Variants in HMOX2 observed in about 807,000 individuals in gnomAD.
HMOX2 encodes heme oxygenase 2, also known as heme oxygenase (decycling) 2.
A neutral mutation model predicts 33.7 loss-of-function variants in HMOX2; 30 were observed. The ratio of observed to expected loss-of-function variants is 0.89; its 90% CI spans 0.67 to 1.21. The LOEUF (loss-of-function observed/expected upper bound fraction) is 1.21. Among genes scored for constraint, HMOX2 ranks in the 50% most tolerant of loss-of-function variants. The probability of loss-of-function intolerance (pLI) is 0.00; values close to 1 mark genes in which losing one functional copy is unlikely to be tolerated. For synonymous variants in HMOX2, 155 were observed against 155.0 expected, an observed-to-expected ratio of 1.00 and a Z score of 0.00; for missense variants, 403 against 399.1, an observed-to-expected ratio of 1.01 and a Z score of -0.08.
intron 1 of HMOX2, among the ~76,000 whole-genome samples, chr16:4,488,174 C>T (rs1311781812): frequency 6.6e-6 from 1 of 151,772 alleles, no homozygotes; most frequent in African/African-American, 2.4e-5. Context: ...TCTCACAGCC[C>T]TGGAGAATGC....
At chr16:4,508,267 C>G (rs1032794073) in intron 4 of HMOX2, 63 bp downstream of exon 4, 1 of 1,507,020 alleles carries the variant, frequency 6.6e-7, no homozygotes, top group Non-Finnish European at 9.0e-7. Context: ...GGTAGCAGAT[C>G]CATAGTGGCC....
At chr16:4,506,371 A>G (rs1316566910) in intron 2 of HMOX2, among the ~76,000 whole-genome samples, 1 of 152,124 alleles carries the variant, frequency 6.6e-6, no homozygotes, top group African/African-American at 2.4e-5. Flanking sequence ...TCTCCTTTGC[A>G]TCCTTCCGTG....
At chr16:4,503,686 T>C (rs900198605) in intron 1 of HMOX2, among the ~76,000 whole-genome samples, 10 of 152,106 alleles carry the variant, frequency 6.6e-5, no homozygotes, top group African/African-American at 2.2e-4. Flanking sequence ...AATCTAAAGG[T>C]GAGAGAGATG....
At chr16:4,479,103 A>G (rs1214630419) in intron 1 of HMOX2, among the ~76,000 whole-genome samples, 5 of 152,196 alleles carry the variant, frequency 3.3e-5, no homozygotes, top group Non-Finnish European at 7.3e-5. Flanking sequence ...GTGAGCCAAG[A>G]TCATGCCATT....
intron 1 of HMOX2, among the ~76,000 whole-genome samples, chr16:4,482,827 A>C (rs1359583776): frequency 1.3e-5 from 2 of 152,176 alleles, no homozygotes; most frequent in Non-Finnish European, 2.9e-5. Flanking sequence ...CAGGAGTTTG[A>C]GACCAGCCTG....
At chr16:4,505,791 C>T (rs1280401640) in intron 2 of HMOX2, among the ~76,000 whole-genome samples, 181 bp downstream of exon 2, 1 of 152,240 alleles carries the variant, frequency 6.6e-6, no homozygotes, top group Non-Finnish European at 1.5e-5. Flanking sequence ...GAACTCTCCC[C>T]ACTGGTCCAT....
At chr16:4,495,396 T>C (rs1055677795) in intron 1 of HMOX2, 1 of 152,240 alleles carries the variant, frequency 6.6e-6, no homozygotes, top group African/African-American at 2.4e-5. Flanking sequence ...GCACAGTCTA[T>C]GTAGGATGAG....
intron 1 of HMOX2, among the ~76,000 whole-genome samples, chr16:4,497,009 T>G (rs1169063762): frequency 6.6e-6 from 1 of 152,126 alleles, no homozygotes; most frequent in Non-Finnish European, 1.5e-5. Context: ...CAGGAATGGC[T>G]TCTAAGGCTT....
At chr16:4,500,014 C>T (rs879427649) in intron 1 of HMOX2, among the ~76,000 whole-genome samples, 2 of 152,188 alleles carry the variant, frequency 1.3e-5, no homozygotes, top group Admixed American at 1.3e-4. Flanking sequence ...GTATTTGCAA[C>T]AGCTGTAACT....
At chr16:4,504,054 C>T (rs1457671317) in intron 1 of HMOX2, among the ~76,000 whole-genome samples, 1 of 152,250 alleles carries the variant, frequency 6.6e-6, no homozygotes, top group Admixed American at 6.5e-5. Flanking sequence ...GGAGGATGAG[C>T]TTGCCTTGTT....
At chr16:4,479,726 A>ATTTTTTTTTTTTTTTT (rs58936845) in intron 1 of HMOX2, among the ~76,000 whole-genome samples, 1 of 79,874 alleles carries the variant, frequency 1.3e-5, no homozygotes, top group Non-Finnish European at 2.3e-5. Context: ...TTCTTATTCT[A>ATTTTTTTTTTTTTTTT]TTTTTTTTTT....
At chr16:4,479,614 G>C (rs2057961312) in intron 1 of HMOX2, 2 of 152,024 alleles carry the variant, frequency 1.3e-5, no homozygotes, top group Admixed American at 6.6e-5. Flanking sequence ...TCCTTCCCAG[G>C]AGTATTATAG....
chr16:4,498,685 C>G (rs1283928999), intron 1 of HMOX2, among the ~76,000 whole-genome samples: 1 of 152,172 alleles, frequency 6.6e-6, no homozygotes, highest in Non-Finnish European at 1.5e-5. Context: ...TGGATTTGCT[C>G]TTTTATCAAG....
intron 1 of HMOX2, among the ~76,000 whole-genome samples, chr16:4,478,461 G>T (rs189321571): frequency 1.3e-5 from 2 of 152,154 alleles, no homozygotes; most frequent in African/African-American, 4.8e-5. Flanking sequence ...TTGAAAATTA[G>T]AATTGTGGGC....
intron 3 of HMOX2, among the ~76,000 whole-genome samples, chr16:4,507,434 G>T (rs2058722120): frequency 1.3e-5 from 2 of 150,858 alleles, no homozygotes; most frequent in Non-Finnish European, 2.9e-5. Flanking sequence ...GACAGAGCGA[G>T]ACTCTTTACC....
chr16:4,503,596 T>C (rs2058613849), intron 1 of HMOX2, among the ~76,000 whole-genome samples: 1 of 152,230 alleles, frequency 6.6e-6, no homozygotes, highest in Admixed American at 6.5e-5. Context: ...GTAACATTCA[T>C]TGAGTGCTTA....
intron 1 of HMOX2, among the ~76,000 whole-genome samples, chr16:4,492,591 T>C (rs1472572243): frequency 6.6e-6 from 1 of 151,948 alleles, no homozygotes; most frequent in Non-Finnish European, 1.5e-5. Context: ...TGGTGGCACG[T>C]GCCTGTAATC....
intron 1 of HMOX2, among the ~76,000 whole-genome samples, chr16:4,483,969 A>AG (rs1436674968): frequency 9.0e-6 from 1 of 111,304 alleles, no homozygotes; most frequent in Admixed American, 9.7e-5. Flanking sequence ...GCATATGCCC[A>AG]AAAATTTTTT....
chr16:4,487,371 A>G (rs2058195206), intron 1 of HMOX2, among the ~76,000 whole-genome samples: 1 of 151,924 alleles, frequency 6.6e-6, no homozygotes, highest in South Asian at 2.1e-4. Context: ...CTGACCTCTA[A>G]AACTACAAAA....
Sources: allele counts gnomAD v4.1 joint callset (sites outside exome capture counted in the v4.1 genomes callset), GRCh38; gene constraint gnomAD v4.1.1; transcripts MANE v1.5; gene names NCBI Gene and HGNC (gene_info 2026-07-23, HGNC 2026-07-21).